Variants in RORA observed in about 807,000 individuals in gnomAD.
RORA encodes nuclear receptor ROR-alpha.
RORA carries 7 observed loss-of-function variants against 69.5 expected under a neutral mutation model. The observed-to-expected ratio is 0.10, with a 90% CI of 0.06 to 0.19. The LOEUF (loss-of-function observed/expected upper bound fraction) is 0.19, where lower values mean the gene tolerates loss of function less well. Among genes scored for constraint, RORA ranks in the 10% least tolerant of loss-of-function variants. The pLI is 1.00. For missense variants in RORA, 457 were observed against 663.0 expected (o/e 0.69, Z 3.41); for synonymous variants, 261 against 240.8 (o/e 1.08, Z -0.78).
chr15:60,532,473 G>A (rs113718448), intron 2 of RORA, among the ~76,000 whole-genome samples: 8 of 152,294 alleles, frequency 5.3e-5, no homozygotes, highest in African/African-American at 1.9e-4. Flanking sequence ...CAAATAGGAT[G>A]TGTTGCTTCT....
At chr15:61,209,737 T>C (rs1271589478) in intron 1 of RORA, among the ~76,000 whole-genome samples, 1 of 152,196 alleles carries the variant, frequency 6.6e-6, no homozygotes, top group African/African-American at 2.4e-5. Flanking sequence ...GTATAACTCA[T>C]TACAGTGATC....
chr15:61,094,234 G>A (rs2078756020), intron 1 of RORA, among the ~76,000 whole-genome samples: 1 of 152,164 alleles, frequency 6.6e-6, no homozygotes, highest in Non-Finnish European at 1.5e-5. Flanking sequence ...GGAGATATCA[G>A]AATAGTCAGA....
chr15:61,077,045 T>C (rs2140636977), intron 1 of RORA, among the ~76,000 whole-genome samples: 1 of 152,276 alleles, frequency 6.6e-6, no homozygotes, highest in African/African-American at 2.4e-5. Context: ...ACCGATTTTG[T>C]TGCGGTAATG....
intron 1 of RORA, among the ~76,000 whole-genome samples, chr15:61,167,246 C>G (rs1310784557): frequency 6.6e-6 from 1 of 151,852 alleles, no homozygotes; most frequent in Non-Finnish European, 1.5e-5. Flanking sequence ...TTTTTTTTTC[C>G]TTCATTACAA....
chr15:61,061,278 G>C lies in RORA; in HGVS notation c.166+167775C>G, dbSNP rs1485770100. 1.3e-5 allele frequency among the ~76,000 whole-genome samples: 2 copies of C among 151,988 alleles called. No individual in the cohort carries two copies. Among genetic ancestry groups the C allele is most frequent in the Non-Finnish European group, 2.9e-5 (2 of 67,992 alleles). On this transcript the variant is annotated intron_variant, in intron 1 of 10. Transcript: ENST00000335670. The surrounding 1 kb of genome is among the most constrained non-coding windows in gnomAD (Gnocchi z 4.4). Reference sequence around the variant, plus strand: ...TGAGGCAGGAGAATGGCATGAGCTCGGGAGGCAGAGCTTGCAGTGAGCCGA... The same window carrying C: ...TGAGGCAGGAGAATGGCATGAGCTCCGGAGGCAGAGCTTGCAGTGAGCCGA...
At chr15:60,819,014 A>G (rs945215928) in intron 1 of RORA, among the ~76,000 whole-genome samples, 1 of 152,240 alleles carries the variant, frequency 6.6e-6, no homozygotes. Context: ...ACGATAATGA[A>G]TAGATTCCAG....
rs368571468 is a variant in RORA at position 60,844,402 on chromosome 15, A to AGTT, written c.167-165719_167-165717dup. On this transcript the variant is annotated intron_variant, in intron 1 of 10. Transcript: ENST00000335670. Reference sequence around the variant, plus strand: ...TCCCAAATGGAAAAGCCAATGAAGGAGTTGTTGTTGTTGTTGTTGTCGTTT... The same window carrying AGTT: ...TCCCAAATGGAAAAGCCAATGAAGGAGTTGTTGTTGTTGTTGTTGTTGTCGTTT... Among the ~76,000 whole-genome samples, 116 of 152,240 alleles carry AGTT rather than the reference A, an allele frequency of 7.6e-4. No homozygotes were observed. In the East Asian group the frequency reaches 8.3e-3, roughly 11 times the overall value.
intron 1 of RORA, among the ~76,000 whole-genome samples, chr15:61,208,083 C>T (rs961952652): frequency 6.6e-6 from 1 of 152,164 alleles, no homozygotes; most frequent in South Asian, 2.1e-4. Flanking sequence ...TAAGAGAGAC[C>T]TGTTTTTTCC....
chr15:60,749,715 CAA>C (rs1314427494), intron 1 of RORA, among the ~76,000 whole-genome samples: 1 of 152,074 alleles, frequency 6.6e-6, no homozygotes, highest in African/African-American at 2.4e-5. Context: ...ATCTAAATAA[CAA>C]AAACAATAAC....
At chr15:60,556,738 C>T in intron 2 of RORA, 1 of 775,390 alleles carries the variant, frequency 1.3e-6, no homozygotes, top group Non-Finnish European at 2.2e-6. Context: ...TCCCCTTTCT[C>T]TTCATCATTT....
chr15:60,953,891 T>G (rs1270562506), intron 1 of RORA, among the ~76,000 whole-genome samples: 1 of 149,664 alleles, frequency 6.7e-6, no homozygotes, highest in African/African-American at 2.4e-5. Context: ...TGGCGATTCC[T>G]CAGGGATCTA....
intron 1 of RORA, among the ~76,000 whole-genome samples, chr15:60,884,192 C>T (rs899610933): frequency 6.6e-6 from 1 of 150,834 alleles, no homozygotes; most frequent in Non-Finnish European, 1.5e-5. Flanking sequence ...AAAAGGATCC[C>T]AAAGAGAGAA....
chr15:61,087,480 C>G (rs2078641858), intron 1 of RORA, among the ~76,000 whole-genome samples: 1 of 152,198 alleles, frequency 6.6e-6, no homozygotes, highest in South Asian at 2.1e-4. Context: ...CTATTCTATT[C>G]AAAGTGCTAA....
intron 1 of RORA, among the ~76,000 whole-genome samples, chr15:61,218,577 A>G (rs2080063303): frequency 6.6e-6 from 1 of 152,144 alleles, no homozygotes; most frequent in South Asian, 2.1e-4. Context: ...AGCACAAAGA[A>G]AAAGAAACTC....
intron 1 of RORA, among the ~76,000 whole-genome samples, chr15:61,051,527 C>T (rs1038583026): frequency 2.6e-5 from 4 of 152,170 alleles, no homozygotes; most frequent in Non-Finnish European, 5.9e-5. Context: ...CTCCACTTGA[C>T]CTGAATGCTC....
At chr15:60,717,711 T>A (rs142367484) in intron 1 of RORA, among the ~76,000 whole-genome samples, 1 of 151,740 alleles carries the variant, frequency 6.6e-6, no homozygotes, top group African/African-American at 2.4e-5. Flanking sequence ...TGCAACCAGC[T>A]CCCAGATTAG....
At chr15:60,903,169 T>C (rs970531574) in intron 1 of RORA, among the ~76,000 whole-genome samples, 1 of 152,162 alleles carries the variant, frequency 6.6e-6, no homozygotes, top group South Asian at 2.1e-4. Flanking sequence ...TTGAAATTTA[T>C]ATTAGTTGTT....
intron 4 of RORA, among the ~76,000 whole-genome samples, chr15:60,512,612 TGCTG>T (rs1468588377): frequency 6.6e-6 from 1 of 152,182 alleles, no homozygotes; most frequent in African/African-American, 2.4e-5. Flanking sequence ...AAACACTTTC[TGCTG>T]TTCCCATTTA....
chr15:60,592,976 C>T (rs2068582601), intron 2 of RORA: 2 of 454,614 alleles, frequency 4.4e-6, no homozygotes. Context: ...GTGGAAAAGA[C>T]AGGTTTGGTC....
Sources: allele counts gnomAD v4.1 joint callset (sites outside exome capture counted in the v4.1 genomes callset), GRCh38; gene constraint gnomAD v4.1.1; non-coding constraint Gnocchi (gnomAD v3.1); transcripts MANE v1.5; gene names NCBI Gene and HGNC (gene_info 2026-07-23, HGNC 2026-07-21).